SLC4A5: variants seen among roughly 807,000 people sequenced by gnomAD.
SLC4A5 encodes the protein electrogenic sodium bicarbonate cotransporter 4.
In SLC4A5, 96 loss-of-function variants were observed where a neutral mutation model predicts 120.4. The ratio of observed to expected loss-of-function variants is 0.80; its 90% CI spans 0.68 to 0.94. The LOEUF is 0.94. Among genes scored for constraint, SLC4A5 ranks in the 40% least tolerant of loss-of-function variants. SLC4A5 has a pLI of 0.00. For missense variants in SLC4A5, 1,259 were observed against 1,459.5 expected (o/e 0.86, Z 2.24); for synonymous variants, 550 against 571.1 (o/e 0.96, Z 0.53).
intron 7 of SLC4A5, among the ~76,000 whole-genome samples, chr2:74,294,865 T>A (rs776537029): frequency 2.0e-5 from 3 of 151,966 alleles, no homozygotes; most frequent in Non-Finnish European, 2.9e-5. Context: ...AGAAACTGGG[T>A]TCGCCATGTT....
At chr2:74,266,434 A>G (rs1671305052) in intron 8 of SLC4A5, among the ~76,000 whole-genome samples, 1 of 152,006 alleles carries the variant, frequency 6.6e-6, no homozygotes, top group Non-Finnish European at 1.5e-5. Flanking sequence ...ACGCTTGGCT[A>G]ATTTTTGTAT....
chr2:74,224,490 T>A (rs1694772452), intron 28 of SLC4A5, among the ~76,000 whole-genome samples: 2 of 152,102 alleles, frequency 1.3e-5, no homozygotes, highest in Admixed American at 1.3e-4. Context: ...TGGAGGTCAG[T>A]CTTCATAACC....
intron 21 of SLC4A5, among the ~76,000 whole-genome samples, chr2:74,238,738 T>C (rs578184506): frequency 6.6e-6 from 1 of 152,044 alleles, no homozygotes; most frequent in African/African-American, 2.4e-5. Context: ...GGAAAAACAA[T>C]GAAGCTTTTA....
intron 7 of SLC4A5, among the ~76,000 whole-genome samples, chr2:74,294,516 C>T (rs1251357433): frequency 2.0e-5 from 3 of 152,130 alleles, no homozygotes; most frequent in Admixed American, 1.3e-4. Context: ...CATTTAAAAT[C>T]AAACTGAACA....
chr2:74,337,541 A>G (rs1287092685), intron 3 of SLC4A5, among the ~76,000 whole-genome samples: 1 of 152,158 alleles, frequency 6.6e-6, no homozygotes, highest in Non-Finnish European at 1.5e-5. Context: ...TTTTTTACAC[A>G]CTTGAGTTTA....
At chr2:74,237,936 A>T (rs1382524696) in intron 21 of SLC4A5, among the ~76,000 whole-genome samples, 1 of 151,922 alleles carries the variant, frequency 6.6e-6, no homozygotes, top group Non-Finnish European at 1.5e-5. Context: ...ACCCCGTCTC[A>T]ACTAAAATTA....
intron 12 of SLC4A5, among the ~76,000 whole-genome samples, chr2:74,258,678 GA>G (rs1351324501): frequency 3.3e-5 from 5 of 152,230 alleles, no homozygotes; most frequent in Non-Finnish European, 7.3e-5. Flanking sequence ...GTTCTCTCAT[GA>G]GTAAAATGGG....
chr2:74,297,364 C>A (rs567962424), intron 7 of SLC4A5, among the ~76,000 whole-genome samples: 2 of 152,162 alleles, frequency 1.3e-5, no homozygotes, highest in African/African-American at 4.8e-5. Context: ...TGCCTAGGAC[C>A]GATCTGGTTT....
chr2:74,316,976 T>A (rs560223915), intron 5 of SLC4A5, among the ~76,000 whole-genome samples: 40 of 152,308 alleles, frequency 2.6e-4, no homozygotes, highest in African/African-American at 9.6e-4. Flanking sequence ...TATGGCTCCA[T>A]CCCAAGGTGA....
At position 74,232,795 on chromosome 2, in the gene SLC4A5, G is replaced by A. The variant is rs890894377; in HGVS notation, c.2596-148C>T. The A allele has an allele frequency of 4.8e-5, 47 of 986,598 alleles. No homozygotes were observed. The South Asian group carries it at 6.7e-4, about 14-fold the overall frequency. 61.1% of individuals were successfully genotyped at this position (986,598 alleles called of 1,614,324 possible). A position where few individuals can be genotyped will look rare whatever the true frequency, so the allele number is the denominator to read the frequency against. On this transcript the variant is annotated intron_variant, in intron 23 of 30. Transcript: ENST00000394019. ...GGTGCTCCTTGCAAGGATTGCAGAG[G>A]TGGGTGTGTCCTGCCACCCCATCTG...
intron 4 of SLC4A5, among the ~76,000 whole-genome samples, chr2:74,331,549 C>T (rs895930188): frequency 6.6e-6 from 1 of 151,886 alleles, no homozygotes; most frequent in Admixed American, 6.6e-5. Flanking sequence ...TTTGATTACA[C>T]ATGTGAAATG....
rs536012946 is a variant in SLC4A5 at position 74,325,202 on chromosome 2, T to C, written c.-3+2918A>G. 4.0e-3 allele frequency among the ~76,000 whole-genome samples: 603 copies of C among 152,318 alleles called. 4 individuals are homozygous for C. Among genetic ancestry groups the C allele is most frequent in the South Asian group, 9.1e-3 (44 of 4,832 alleles). ...ATTTGAAGTACTATGGATTCTCAGA[T>C]TGGAAAAGAAAGTTTGTTGGAAAAA... On this transcript the variant is annotated intron_variant, in intron 5 of 30. Coordinates refer to ENST00000394019, the Ensembl canonical transcript of SLC4A5.
At chr2:74,333,568 G>A (rs930462920) in intron 4 of SLC4A5, among the ~76,000 whole-genome samples, 6 of 152,118 alleles carry the variant, frequency 3.9e-5, no homozygotes, top group South Asian at 2.1e-4. Context: ...TTAGGTATTC[G>A]AAGTAATCTA....
intron 3 of SLC4A5, among the ~76,000 whole-genome samples, chr2:74,338,139 G>C (rs1673539751): frequency 6.6e-6 from 1 of 152,166 alleles, no homozygotes; most frequent in South Asian, 2.1e-4. Context: ...ATATTTCAGA[G>C]ATGGAGCAGC....
At chr2:74,304,071 G>A (rs1045408238) in intron 7 of SLC4A5, among the ~76,000 whole-genome samples, 2 of 151,960 alleles carry the variant, frequency 1.3e-5, no homozygotes, top group Admixed American at 1.3e-4. Flanking sequence ...GGATGGTCTC[G>A]ATCTCCTGAC....
At chr2:74,301,292 C>T (rs1434468212) in intron 7 of SLC4A5, among the ~76,000 whole-genome samples, 1 of 152,210 alleles carries the variant, frequency 6.6e-6, no homozygotes, top group Non-Finnish European at 1.5e-5. Context: ...TTCACATATA[C>T]TGTCTTATTG....
rs200262487 is a variant in SLC4A5 at position 74,229,263 on chromosome 2, G to GC, written c.2848-1386_2848-1385insG. 7.6e-3 allele frequency among the ~76,000 whole-genome samples: 1,135 copies of GC among 149,066 alleles called. 13 individuals are homozygous for GC. Among genetic ancestry groups the GC allele is most frequent in the African/African-American group, 0.027 (1,087 of 40,594 alleles). ...TTCGAAGGTGTTTTTTTTTTTTGGG[G>GC]GGGGCACGGAGTCTCACTCTGTCTT... On this transcript the variant is annotated intron_variant, in intron 25 of 30. Coordinates refer to ENST00000394019, the Ensembl canonical transcript of SLC4A5.
intron 5 of SLC4A5, among the ~76,000 whole-genome samples, chr2:74,327,069 T>C (rs1193104946): frequency 6.6e-6 from 1 of 152,222 alleles, no homozygotes; most frequent in Non-Finnish European, 1.5e-5. Context: ...TCCACTTTGT[T>C]CCAGATATTT....
At chr2:74,239,342 G>C (rs914995786) in exon 21 of SLC4A5, 1 of 1,614,206 alleles carries the variant, frequency 6.2e-7, no homozygotes, top group Non-Finnish European at 8.5e-7. Context: ...TACCTTGGTA[G>C]GAAAATAGCG....
Sources: gnomAD v4.1 joint callset for allele counts (sites outside exome capture counted in the v4.1 genomes callset) on GRCh38, gnomAD v4.1.1 for gene constraint, MANE v1.5 for transcripts, NCBI Gene and HGNC (gene_info 2026-07-23, HGNC 2026-07-21) for gene names.